The following SLC22A3 variants were observed in gnomAD, a reference collection of about 807,000 sequenced individuals.
SLC22A3 encodes EMT organic cation transporter 3.
In SLC22A3, 51 loss-of-function variants were observed where a neutral mutation model predicts 59.1. The ratio of observed to expected loss-of-function variants is 0.86; its 90% confidence interval spans 0.69 to 1.09. SLC22A3 has a LOEUF of 1.09. SLC22A3 is among the 50% of genes least tolerant of loss of function. The pLI is 0.00. For missense variants in SLC22A3, 711 were observed against 726.3 expected, an observed-to-expected ratio of 0.98 and a Z score of 0.24; for synonymous variants, 325 against 292.0, an observed-to-expected ratio of 1.11 and a Z score of -1.15.
At chr6:160,378,620 G>A (rs1357922503) in intron 1 of SLC22A3, among the ~76,000 whole-genome samples, 1 of 152,162 alleles carries the variant, frequency 6.6e-6, no homozygotes, top group Admixed American at 6.5e-5. Flanking sequence ...CTCGACTTAG[G>A]ATGGGATCAC....
intron 1 of SLC22A3, among the ~76,000 whole-genome samples, chr6:160,362,490 C>G (rs942057674): frequency 1.3e-5 from 2 of 152,244 alleles, no homozygotes; most frequent in African/African-American, 4.8e-5. Context: ...TTCACCCTTT[C>G]CCGTTGTTGT....
At chr6:160,435,616 G>A (rs555990743) in intron 5 of SLC22A3, among the ~76,000 whole-genome samples, 1 of 152,304 alleles carries the variant, frequency 6.6e-6, no homozygotes, top group South Asian at 2.1e-4. Flanking sequence ...CTATCAGTGT[G>A]TGTATGCTCT....
At position 160,348,658 on chromosome 6, in the gene SLC22A3, G is replaced by A. The variant is rs985241662; in HGVS notation, c.239G>A (p.Gly80Asp). Residue 80 changes from glycine to aspartate, a missense_variant, in exon 1 of 11, where the codon GGC becomes GAC. Physicochemically the swap from Gly to Asp is moderately conservative, Grantham distance 94 (BLOSUM62 -1). Transcript: ENST00000275300. ...EWNRTAPASR[G>D]PEPPERRGRC... ...AACCGCACGGCGCCCGCCTCCCGCGGCCCAGAGCCCCCCGAGCGCCGCGGC... is the reference window on the plus strand; with the variant it reads ...AACCGCACGGCGCCCGCCTCCCGCGACCCAGAGCCCCCCGAGCGCCGCGGC... The A allele has an allele frequency of 5.0e-5, 75 of 1,507,828 alleles. No homozygotes were observed. Among genetic ancestry groups the A allele is most frequent in the Non-Finnish European group, 5.6e-5 (64 of 1,136,280 alleles). The allele number at this position is 1,507,828 out of a possible 1,614,324, so 93.4% of individuals were successfully genotyped here.
chr6:160,348,706 A>G lies in SLC22A3; in HGVS notation c.287A>G (p.Glu96Gly), dbSNP rs1479656046. 5 of 1,521,766 alleles carry G rather than the reference A, an allele frequency of 3.3e-6. No homozygotes were observed. The East Asian group carries it at 1.0e-4, about 31-fold the overall frequency. 94.3% of individuals were successfully genotyped at this position (1,521,766 alleles called of 1,614,324 possible). A position where few individuals can be genotyped will look rare whatever the true frequency, so the allele number is the denominator to read the frequency against. ...GGCCGCTGCCAGCGCTACCTCCTGG[A>G]GGCGGCCAACGACAGCGCCTCCGCC... Reference protein sequence around the residue: ...RRGRCQRYLLEAANDSASATS... With the variant: ...RRGRCQRYLLGAANDSASATS... Residue 96 changes from glutamate (E) to glycine (G), a missense_variant, in exon 1 of 11, where the codon GAG (glutamate) becomes GGG (glycine). Transcript: ENST00000275300.
intron 7 of SLC22A3, among the ~76,000 whole-genome samples, chr6:160,439,445 A>C (rs1403547838): frequency 6.6e-6 from 1 of 152,124 alleles, no homozygotes; most frequent in Non-Finnish European, 1.5e-5. Context: ...TTACTCTATA[A>C]GATTTTCTCT....
At chr6:160,439,579 G>A (rs1023769496) in intron 7 of SLC22A3, among the ~76,000 whole-genome samples, 2 of 152,154 alleles carry the variant, frequency 1.3e-5, no homozygotes, top group African/African-American at 2.4e-5. Context: ...TAACTATTTT[G>A]TAGAGAATTC....
At chr6:160,376,134 C>T (rs1032125738) in intron 1 of SLC22A3, among the ~76,000 whole-genome samples, 1 of 152,086 alleles carries the variant, frequency 6.6e-6, no homozygotes, top group Admixed American at 6.5e-5. Context: ...AAATGTGGTA[C>T]ATATATACCA....
chr6:160,433,555 C>T (rs1788232192), intron 5 of SLC22A3, among the ~76,000 whole-genome samples: 1 of 151,974 alleles, frequency 6.6e-6, no homozygotes, highest in South Asian at 2.1e-4. Flanking sequence ...ACTACTGCTA[C>T]TAATAAGCCA....
chr6:160,452,328 T>C lies in SLC22A3; in HGVS notation c.*1272T>C, dbSNP rs1208778478. On this transcript the variant is annotated 3_prime_UTR_variant, in exon 11 of 11. Coordinates refer to ENST00000275300, the MANE Select transcript of SLC22A3 (RefSeq NM_021977.4). Reference sequence around the variant, plus strand: ...AGGAGAACAGGTGACAATATACACATGTGCGCTAATCGTAAAATGAGCATC... The same window carrying C: ...AGGAGAACAGGTGACAATATACACACGTGCGCTAATCGTAAAATGAGCATC... 1 of 152,214 alleles carries C rather than the reference T, an allele frequency of 6.6e-6. No individual in the cohort carries two copies. Among genetic ancestry groups the C allele is most frequent in the Admixed American group, 6.5e-5 (1 of 15,286 alleles). The allele number at this position is 152,214 out of a possible 1,614,324, so 9.4% of individuals were successfully genotyped here.
Position 160,348,748 on chromosome 6 carries a change from G to T in SLC22A3, c.329G>T (p.Cys110Phe), listed in dbSNP as rs1303113343. Residue 110 changes from cysteine to phenylalanine, a missense_variant, in exon 1 of 11, where the codon TGC (cysteine) becomes TTC (phenylalanine). By Grantham distance (205) the Cys-to-Phe change is radical. Transcript: ENST00000275300. ...DSASATSALSCADPLAAFPNR... is the reference protein window; with the variant it reads ...DSASATSALSFADPLAAFPNR... ...GCCTCCGCCACTAGCGCTCTCAGCT[G>T]CGCGGACCCACTCGCCGCCTTCCCC... The T allele has an allele frequency of 1.3e-6, 2 of 1,538,548 alleles. No individual in the cohort carries two copies. The highest frequency in any genetic ancestry group is 2.7e-5 in the African/African-American group (2 of 73,190).
chr6:160,370,014 C>T (rs1159666410), intron 1 of SLC22A3, among the ~76,000 whole-genome samples: 1 of 152,210 alleles, frequency 6.6e-6, no homozygotes, highest in Non-Finnish European at 1.5e-5. Flanking sequence ...CAGTTAGCTG[C>T]AACAACTGCA....
chr6:160,359,476 A>C (rs1784946094), intron 1 of SLC22A3, among the ~76,000 whole-genome samples: 1 of 152,244 alleles, frequency 6.6e-6, no homozygotes, highest in South Asian at 2.1e-4. Context: ...CAGAAAACAG[A>C]GTACATTTAA....
Position 160,353,064 on chromosome 6 carries a change from C to A in SLC22A3, c.429+4216C>A, listed in dbSNP as rs752487748. Among the ~76,000 whole-genome samples, 18 of 152,152 alleles carry A rather than the reference C, an allele frequency of 1.2e-4. No individual in the cohort carries two copies. The South Asian group carries it at 1.2e-3, about 11-fold the overall frequency. ...TCAGGCGATCTGCTTGCCTAGGCCTCCGAAAGTGCTGGGATTACAGGCATG... is the reference window on the plus strand; with the variant it reads ...TCAGGCGATCTGCTTGCCTAGGCCTACGAAAGTGCTGGGATTACAGGCATG... On this transcript the variant is annotated intron_variant, in intron 1 of 10. Transcript: ENST00000275300.
intron 9 of SLC22A3, among the ~76,000 whole-genome samples, chr6:160,446,532 C>T (rs1788752153): frequency 6.6e-6 from 1 of 152,076 alleles, no homozygotes; most frequent in Non-Finnish European, 1.5e-5. Flanking sequence ...ACTTATAAAT[C>T]CATCAGATCT....
At chr6:160,445,768 G>A (rs572574433) in intron 9 of SLC22A3, among the ~76,000 whole-genome samples, 63 of 152,322 alleles carry the variant, frequency 4.1e-4, no homozygotes, top group African/African-American at 1.4e-3. Flanking sequence ...CAGGTGCCTG[G>A]GGAGAAGCAG....
Position 160,451,049 on chromosome 6 carries a change from A to G in SLC22A3, c.1664A>G (p.His555Arg). 7.5e-6 allele frequency: 12 copies of G among 1,592,118 alleles called. No homozygotes were observed. The highest frequency in any genetic ancestry group is 1.0e-5 in the Non-Finnish European group (12 of 1,167,406). ...AAGAAAACCCCAGTTTCCCGCTCTC[A>G]CCTTTGAGGCCCCCGACAAAGACAG... is the stretch of plus-strand genomic sequence containing the variant. ...RNKKTPVSRS[H>R]L Residue 555 changes from histidine (H) to arginine (R), a missense_variant, in exon 11 of 11, where the codon CAC becomes CGC. Transcript: ENST00000275300.
rs2114939562 is a variant in SLC22A3, at chr6:160,452,577, A to G, written c.*1521A>G. ...CAATTAAAATTTTAAATCGTAAAAA[A>G]TGTACATTTGCCCTTTCTCTTCCTT... On this transcript the variant is annotated 3_prime_UTR_variant, in exon 11 of 11. Coordinates refer to ENST00000275300, the MANE Select transcript of SLC22A3 (RefSeq NM_021977.4). 6.6e-6 allele frequency: 1 copy of G among 152,328 alleles called. No homozygotes were observed. Among genetic ancestry groups the G allele is most frequent in the South Asian group, 2.1e-4 (1 of 4,814 alleles). 9.4% of individuals were successfully genotyped at this position (152,328 alleles called of 1,614,324 possible). A position where few individuals can be genotyped will look rare whatever the true frequency, so the allele number is the denominator to read the frequency against.
chr6:160,378,815 C>T (rs1443969239), intron 1 of SLC22A3, among the ~76,000 whole-genome samples: 2 of 152,126 alleles, frequency 1.3e-5, no homozygotes, highest in African/African-American at 2.4e-5. Flanking sequence ...GGTTAAATAG[C>T]TCATGTAATT....
chr6:160,390,419 A>C (rs945088975), intron 1 of SLC22A3, among the ~76,000 whole-genome samples: 1 of 152,134 alleles, frequency 6.6e-6, no homozygotes, highest in East Asian at 1.9e-4. Context: ...CAGAACAGCC[A>C]TGGAGGGGGT....
Sources: allele counts gnomAD v4.1 joint callset (sites outside exome capture counted in the v4.1 genomes callset), GRCh38; gene constraint gnomAD v4.1.1; transcripts MANE v1.5; gene names NCBI Gene and HGNC (gene_info 2026-07-23, HGNC 2026-07-21).